Variants in TOPAZ1 observed in about 807,000 individuals in gnomAD.
The protein encoded by TOPAZ1 is testis and ovary specific TOPAZ 1.
TOPAZ1 carries 66 observed loss-of-function variants against 172.2 expected under a neutral mutation model. The ratio of observed to expected loss-of-function variants is 0.38; its 90% CI spans 0.31 to 0.47. The LOEUF is 0.47. TOPAZ1 is among the 20% of genes least tolerant of loss of function. The probability of loss-of-function intolerance (pLI) is 0.99; values close to 1 mark genes in which losing one functional copy is unlikely to be tolerated. For synonymous variants in TOPAZ1, 681 were observed against 683.9 expected (o/e 1.00, Z 0.07); for missense variants, 1,822 against 1,972.4 (o/e 0.92, Z 1.44).
At chr3:44,270,963 A>C (rs1699889915) in intron 8 of TOPAZ1, among the ~76,000 whole-genome samples, 153 bp downstream of exon 8, 1 of 152,138 alleles carries the variant, frequency 6.6e-6, no homozygotes, top group African/African-American at 2.4e-5. Context: ...TGTATTCTTT[A>C]GTCTGTCTTC....
At chr3:44,298,299 A>G (rs967978525) in intron 12 of TOPAZ1, among the ~76,000 whole-genome samples, 4 of 152,110 alleles carry the variant, frequency 2.6e-5, no homozygotes, top group Non-Finnish European at 4.4e-5. Flanking sequence ...CCCCATCTCT[A>G]CAAAAAATTA....
chr3:44,269,221 A>T lies in TOPAZ1; in HGVS notation c.3166A>T (p.Arg1056Ter). 6.5e-7 allele frequency: 1 copy of T among 1,540,828 alleles called. No homozygotes were observed. Residue 1056 changes from arginine (R) to a stop codon, truncating the protein, a stop_gained, in exon 7 of 20, where the codon AGA (arginine) becomes TGA (stop). Coordinates refer to ENST00000309765, the MANE Select transcript of TOPAZ1 (RefSeq NM_001145030.2). LOFTEE classifies it high-confidence loss of function. The part of the protein sequence containing the change: ...TILNTWMNDF[R>*]FLGKHSVLKL... ...CCACTCTAAATCATTTCTAGATTTCAGATTTCTGGGAAAACATTCTGTCCT... is the reference window on the plus strand; with the variant it reads ...CCACTCTAAATCATTTCTAGATTTCTGATTTCTGGGAAAACATTCTGTCCT...
downstream of TOPAZ1, among the ~76,000 whole-genome samples, chr3:44,336,670 T>C (rs1700731105): frequency 6.6e-6 from 1 of 152,210 alleles, no homozygotes; most frequent in African/African-American, 2.4e-5. Context: ...TTGGTGAGAC[T>C]GTGGCTGTCA....
intron 9 of TOPAZ1, among the ~76,000 whole-genome samples, chr3:44,285,103 G>T (rs545040274): frequency 6.6e-6 from 1 of 152,256 alleles, no homozygotes; most frequent in African/African-American, 2.4e-5. Context: ...CCAAAGAAAG[G>T]AGTAAAAATA....
intron 14 of TOPAZ1, 44 bp from the exon 15 acceptor site, chr3:44,306,282 A>G: frequency 1.6e-6 from 2 of 1,274,530 alleles, no homozygotes; most frequent in South Asian, 1.3e-5. Context: ...CCATCATTTT[A>G]AGTGACTATT....
At chr3:44,296,393 A>T (rs2125695988) in intron 12 of TOPAZ1, among the ~76,000 whole-genome samples, 1 of 148,376 alleles carries the variant, frequency 6.7e-6, no homozygotes, top group Admixed American at 6.9e-5. Context: ...TGAAAAGATC[A>T]ATAAAATTAA....
rs1699518639 is a variant in TOPAZ1 at position 44,243,665 on chromosome 3, A to T, written c.1159A>T (p.Asn387Tyr). The change falls in exon 2 of 20, where the codon AAT (asparagine) becomes TAT (tyrosine). Residue 387 changes from asparagine to tyrosine, a missense_variant. Transcript: ENST00000309765. ...PLNVLRKVSHNTVSLMDHLLS... is the reference protein window; with the variant it reads ...PLNVLRKVSHYTVSLMDHLLS... Reference sequence around the variant, plus strand: ...AAATGTTTTGAGAAAAGTAAGCCATAATACAGTCTCTTTGATGGATCATTT... The same window carrying T: ...AAATGTTTTGAGAAAAGTAAGCCATTATACAGTCTCTTTGATGGATCATTT... The T allele has an allele frequency of 6.5e-6, 10 of 1,550,198 alleles. No individual in the cohort carries two copies. Among genetic ancestry groups the T allele is most frequent in the Non-Finnish European group, 7.0e-6 (8 of 1,146,938 alleles).
intron 8 of TOPAZ1, among the ~76,000 whole-genome samples, chr3:44,271,123 T>G: frequency 6.6e-6 from 1 of 152,144 alleles, no homozygotes; most frequent in South Asian, 2.1e-4. Flanking sequence ...GTGTTCCCCA[T>G]GTCTTTTGGT....
rs144334708 is a variant in TOPAZ1 at position 44,243,808 on chromosome 3, G to C, written c.1302G>C (p.Pro434=). The stretch of plus-strand genomic sequence containing the variant: ...AAGAAACAGAGAATGCTTCAGAGCC[G>C]TTAGGTTATGAAAGCATGGCATCGA... ...LKEETENASE[P]LGYESMASKE... Residue 434 remains proline, a synonymous_variant, in exon 2 of 20, where the codon CCG becomes CCC. Coordinates refer to ENST00000309765, the MANE Select transcript of TOPAZ1 (RefSeq NM_001145030.2). 5 of 1,551,612 alleles carry C rather than the reference G, an allele frequency of 3.2e-6. No individual in the cohort carries two copies. The highest frequency in any genetic ancestry group is 4.4e-6 in the Non-Finnish European group (5 of 1,146,990).
downstream of TOPAZ1, among the ~76,000 whole-genome samples, chr3:44,333,153 C>A (rs1286202842): frequency 6.6e-6 from 1 of 151,878 alleles, no homozygotes; most frequent in Non-Finnish European, 1.5e-5. Context: ...AGGGAGTTCA[C>A]AAAATATGGT....
chr3:44,242,776 A>G, intron 1 of TOPAZ1, 77 bp from the exon 2 acceptor site: 2 of 1,200,322 alleles, frequency 1.7e-6, no homozygotes, highest in Non-Finnish European at 1.1e-6. Context: ...TAGCCTCACA[A>G]TTTTTAATTT....
chr3:44,260,744 ATATT>A (rs1699766396), intron 4 of TOPAZ1, among the ~76,000 whole-genome samples: 1 of 152,066 alleles, frequency 6.6e-6, no homozygotes, highest in African/African-American at 2.4e-5. Flanking sequence ...ACTCATTTAT[ATATT>A]TGATTTGTTT....
At position 44,269,471 on chromosome 3, in the gene TOPAZ1, C is replaced by CTTTT. The variant is rs71085612; in HGVS notation, c.3246+198_3246+201dup. ...CCTTTTGATTGTATTTCCCTATCAT[C>CTTTT]TTTTTTTTTTTTTTTTTTTTTTTTT... On this transcript the variant is annotated intron_variant, in intron 7 of 19. Transcript: ENST00000309765. Among the ~76,000 whole-genome samples, 36 of 33,930 alleles carry CTTTT rather than the reference C, an allele frequency of 1.1e-3. 2 individuals carry two copies. Among genetic ancestry groups the CTTTT allele is most frequent in the Admixed American group, 2.4e-3 (5 of 2,084 alleles). The allele number at this position is 33,930 out of a possible 152,430, so 22.3% of individuals were successfully genotyped here.
intron 2 of TOPAZ1, among the ~76,000 whole-genome samples, chr3:44,247,954 T>C (rs995950958): frequency 6.6e-6 from 1 of 152,196 alleles, no homozygotes; most frequent in Non-Finnish European, 1.5e-5. Flanking sequence ...CCTGGCCTAA[T>C]CTTGACTATT....
Position 44,328,349 on chromosome 3 carries a change from C to T in TOPAZ1, c.4775C>T (p.Ala1592Val). 6.6e-7 allele frequency: 1 copy of T among 1,521,594 alleles called. No homozygotes were observed. The highest frequency in any genetic ancestry group is 8.8e-7 in the Non-Finnish European group (1 of 1,134,268). 94.3% of individuals were successfully genotyped at this position (1,521,594 alleles called of 1,614,324 possible). A position where few individuals can be genotyped will look rare whatever the true frequency, so the allele number is the denominator to read the frequency against. ...TTATCTGAGATTGAAATGCTCTTAG[C>T]TATTGAAATCTTCATGGTATCTAAT... ...SYLSEIEMLLAIEIFMVSNAS... is the reference protein window; with the variant it reads ...SYLSEIEMLLVIEIFMVSNAS... Residue 1592 changes from alanine (A) to valine (V), a missense_variant, in exon 19 of 20, where the codon GCT becomes GTT. Physicochemically the swap from Ala to Val is moderately conservative, Grantham distance 64. Transcript: ENST00000309765.
In TOPAZ1 at chr3:44,242,964, G is replaced by A. The variant is rs1699504437; in HGVS notation, c.458G>A (p.Cys153Tyr). 6.4e-7 allele frequency: 1 copy of A among 1,550,808 alleles called. No homozygotes were observed. The highest frequency in any genetic ancestry group is 8.7e-7 in the Non-Finnish European group (1 of 1,146,804). The change falls in exon 2 of 20, where the codon TGC becomes TAC. Residue 153 changes from cysteine to tyrosine, a missense_variant. By Grantham distance (194) the Cys-to-Tyr change is radical (BLOSUM62 -2). Around this residue, in one of 2 missense-constraint regions of TOPAZ1, gnomAD observed 1,489 missense variants for 1,490.8 expected, o/e 1.00. Coordinates refer to ENST00000309765, the MANE Select transcript of TOPAZ1 (RefSeq NM_001145030.2). ...TCGGAATCTTTCCAAACAGTGGAAT[G>A]CTTGCAGTCTTTGGGTAAGGAAAGT... ...TSSESFQTVE[C>Y]LQSLGKESII...
intron 3 of TOPAZ1, among the ~76,000 whole-genome samples, chr3:44,255,718 CACAT>C (rs1234032214): frequency 0.21 from 3,317 of 16,152 alleles, 82 homozygotes; most frequent in African/African-American, 0.28. Context: ...CACACACACA[CACAT>C]ATATATATGG....
At chr3:44,256,354 C>T in intron 4 of TOPAZ1, 76 bp downstream of exon 4, 1 of 1,378,214 alleles carries the variant, frequency 7.3e-7, no homozygotes, top group Non-Finnish European at 9.7e-7. Context: ...CTTAACAGTG[C>T]TATCGGGTGG....
intron 8 of TOPAZ1, among the ~76,000 whole-genome samples, chr3:44,274,184 C>G (rs1699927414): frequency 6.8e-6 from 1 of 147,878 alleles, no homozygotes; most frequent in Admixed American, 6.8e-5. Flanking sequence ...GTGAGGCAGG[C>G]AGATCATTTG....
Sources: gnomAD v4.1 joint callset for allele counts (sites outside exome capture counted in the v4.1 genomes callset) on GRCh38, gnomAD v4.1.1 for gene constraint, gnomAD v4.1.1 regional missense constraint, MANE v1.5 for transcripts, NCBI Gene and HGNC (gene_info 2026-07-23, HGNC 2026-07-21) for gene names.